The following GPC6 variants were observed in gnomAD, a reference collection of about 807,000 sequenced individuals.
GPC6 encodes glypican 6, also known as glypican-6.
GPC6 carries 14 observed loss-of-function variants against 55.2 expected under a neutral mutation model. The observed-to-expected ratio is 0.25, with a 90% CI of 0.17 to 0.40. The LOEUF (loss-of-function observed/expected upper bound fraction) is 0.40. Among genes scored for constraint, GPC6 ranks in the 10% least tolerant of loss-of-function variants. The pLI is 1.00. For missense variants in GPC6, 641 were observed against 708.5 expected, an observed-to-expected ratio of 0.90 and a Z score of 1.08; for synonymous variants, 278 against 259.6, an observed-to-expected ratio of 1.07 and a Z score of -0.68.
intron 4 of GPC6, among the ~76,000 whole-genome samples, chr13:94,226,494 A>G (rs1173498159): frequency 6.6e-6 from 1 of 152,204 alleles, no homozygotes; most frequent in Non-Finnish European, 1.5e-5. Context: ...CCCTGATTTT[A>G]TCAATACACC....
chr13:93,349,001 G>A (rs775217205), intron 1 of GPC6, among the ~76,000 whole-genome samples: 5 of 152,150 alleles, frequency 3.3e-5, no homozygotes, highest in Non-Finnish European at 7.3e-5. Flanking sequence ...CACCATCAAA[G>A]CATTAGCCCC....
intron 1 of GPC6, among the ~76,000 whole-genome samples, chr13:93,473,493 G>A (rs1879198901): frequency 6.6e-6 from 1 of 152,176 alleles, no homozygotes; most frequent in African/African-American, 2.4e-5. Flanking sequence ...AAGCCTGTGG[G>A]GTCAGGAGGG....
At chr13:93,489,096 G>A (rs1304587835) in intron 1 of GPC6, among the ~76,000 whole-genome samples, 1 of 151,312 alleles carries the variant, frequency 6.6e-6, no homozygotes, top group African/African-American at 2.4e-5. Context: ...GGGTTTTTAT[G>A]GTTTTAGGTC....
intron 6 of GPC6, among the ~76,000 whole-genome samples, chr13:94,343,075 G>C (rs1878121615): frequency 6.6e-6 from 1 of 152,186 alleles, no homozygotes; most frequent in African/African-American, 2.4e-5. Flanking sequence ...ACACAGAAGT[G>C]ATCCTTGTCA....
At chr13:94,125,907 A>G (rs563402905) in intron 4 of GPC6, among the ~76,000 whole-genome samples, 26 of 152,292 alleles carry the variant, frequency 1.7e-4, no homozygotes, top group African/African-American at 6.3e-4. Context: ...CTAAAAAACC[A>G]TTTCTGTGCA....
chr13:94,287,656 G>A (rs1466993153), intron 5 of GPC6, among the ~76,000 whole-genome samples: 1 of 152,120 alleles, frequency 6.6e-6, no homozygotes, highest in Admixed American at 6.5e-5. Context: ...TGTAAAGGAG[G>A]ATGCTCCAAA....
chr13:94,131,563 G>A (rs1593966410), intron 4 of GPC6, among the ~76,000 whole-genome samples: 2 of 152,098 alleles, frequency 1.3e-5, no homozygotes, highest in East Asian at 1.9e-4. Flanking sequence ...TTCTGTATAC[G>A]GGAGATCATT....
At chr13:93,358,977 T>C (rs1252138730) in intron 1 of GPC6, among the ~76,000 whole-genome samples, 2 of 92,182 alleles carry the variant, frequency 2.2e-5, no homozygotes, top group East Asian at 1.8e-3. Flanking sequence ...CTCTCTCTCT[T>C]TTTTTTTTTT....
At chr13:93,484,091 A>G (rs1185565797) in intron 1 of GPC6, among the ~76,000 whole-genome samples, 1 of 152,124 alleles carries the variant, frequency 6.6e-6, no homozygotes, top group Non-Finnish European at 1.5e-5. Context: ...AATTTTGTAA[A>G]TATTTCAGAA....
chr13:93,581,116 C>G (rs74908189), intron 2 of GPC6, among the ~76,000 whole-genome samples: 1,753 of 152,176 alleles, frequency 0.012, 34 homozygotes, highest in African/African-American at 0.04. Context: ...TTGCAAGACA[C>G]TAAAGGTCAC....
chr13:93,693,467 G>GTGTA (rs1409463237), intron 2 of GPC6, among the ~76,000 whole-genome samples: 2 of 135,456 alleles, frequency 1.5e-5, no homozygotes, highest in African/African-American at 7.1e-5. Context: ...ATATCTGTGT[G>GTGTA]TGTGTGTGTG....
At chr13:94,125,761 G>A (rs936181454) in intron 4 of GPC6, among the ~76,000 whole-genome samples, 5 of 151,414 alleles carry the variant, frequency 3.3e-5, no homozygotes, top group African/African-American at 1.2e-4. Context: ...AATGAAGTCA[G>A]CAAAGAAATG....
At chr13:93,476,221 T>C (rs1429017908) in intron 1 of GPC6, among the ~76,000 whole-genome samples, 4 of 152,190 alleles carry the variant, frequency 2.6e-5, no homozygotes, top group Non-Finnish European at 5.9e-5. Flanking sequence ...TGAACATTTT[T>C]ATTCAGATTT....
intron 6 of GPC6, among the ~76,000 whole-genome samples, chr13:94,380,255 T>A (rs937362469): frequency 6.6e-6 from 1 of 152,232 alleles, no homozygotes; most frequent in Non-Finnish European, 1.5e-5. Context: ...AAGGTCGTGG[T>A]CATTTTCTGA....
intron 2 of GPC6, among the ~76,000 whole-genome samples, chr13:93,813,666 G>T (rs1886765354): frequency 6.6e-6 from 1 of 151,850 alleles, no homozygotes; most frequent in Non-Finnish European, 1.5e-5. Flanking sequence ...AATAAATAAA[G>T]TATTGGTAAC....
At chr13:94,389,723 A>G (rs4773789) in intron 7 of GPC6, among the ~76,000 whole-genome samples, 133,039 of 152,206 alleles carry the variant, frequency 0.87, 58,376 homozygotes, top group African/African-American at 0.95. Flanking sequence ...ACTGGCACAC[A>G]TGTTATCTGA....
chr13:93,246,502 AAATAACTT>A (rs1876606017), intron 1 of GPC6, among the ~76,000 whole-genome samples: 1 of 152,088 alleles, frequency 6.6e-6, no homozygotes, highest in East Asian at 1.9e-4. Context: ...TAATAATAAT[AAATAACTT>A]TTATTTACTA....
At chr13:93,633,535 C>T (rs529054581) in intron 2 of GPC6, among the ~76,000 whole-genome samples, 1 of 152,026 alleles carries the variant, frequency 6.6e-6, no homozygotes, top group South Asian at 2.1e-4. Flanking sequence ...ACTCTGGAGG[C>T]TGAGGCAGGA....
At chr13:93,683,881 G>C (rs1881945763) in intron 2 of GPC6, among the ~76,000 whole-genome samples, 1 of 152,092 alleles carries the variant, frequency 6.6e-6, no homozygotes, top group Non-Finnish European at 1.5e-5. Flanking sequence ...TAAGATCAGG[G>C]TGTCAGCATG....
Sources: gnomAD v4.1 joint callset for allele counts (sites outside exome capture counted in the v4.1 genomes callset) on GRCh38, gnomAD v4.1.1 for gene constraint, MANE v1.5 for transcripts, NCBI Gene and HGNC (gene_info 2026-07-23, HGNC 2026-07-21) for gene names.